ADSS1: variants seen among roughly 807,000 people sequenced by gnomAD.
The protein encoded by ADSS1 is adenylosuccinate synthase 1.
Under a neutral mutation model 59.1 loss-of-function variants are expected in ADSS1, and 57 were observed. That is an observed-to-expected ratio of 0.97 (90% CI 0.78 to 1.20). ADSS1 has a LOEUF of 1.20. ADSS1 is among the 50% of genes most tolerant of loss of function. The pLI is 0.00. For missense variants in ADSS1, 603 were observed against 610.3 expected (o/e 0.99, Z 0.13); for synonymous variants, 247 against 249.4 (o/e 0.99, Z 0.09).
At position 104,724,302 on chromosome 14, in the gene ADSS1, C is replaced by T. The variant is rs1476111410; in HGVS notation, c.32C>T (p.Pro11Leu). The T allele has an allele frequency of 1.1e-5, 14 of 1,233,578 alleles. No homozygotes were observed. The highest frequency in any genetic ancestry group is 4.2e-5 in the Admixed American group (1 of 23,576). 76.4% of individuals were successfully genotyped at this position (1,233,578 alleles called of 1,614,324 possible). MSGTRASNDR[P>L]PGAGGVKRGR... is the part of the protein sequence containing the mutation. ...GGGACCCGAGCCTCCAACGACCGGCCCCCCGGCGCAGGCGGCGTCAAGCGG... is the reference window on the plus strand; with the variant it reads ...GGGACCCGAGCCTCCAACGACCGGCTCCCCGGCGCAGGCGGCGTCAAGCGG... Residue 11 changes from proline to leucine, a missense_variant, in exon 1 of 13, where the codon CCC becomes CTC. Pro to Leu is a moderately conservative substitution (Grantham distance 98, BLOSUM62 -3). Transcript: ENST00000330877.
chr14:104,725,256 C>T (rs912576447), intron 1 of ADSS1, among the ~76,000 whole-genome samples: 21 of 152,310 alleles, frequency 1.4e-4, no homozygotes, highest in South Asian at 2.1e-4. Flanking sequence ...TCTCTCGGGC[C>T]GCCACCCTGG....
intron 1 of ADSS1, among the ~76,000 whole-genome samples, chr14:104,731,380 C>T (rs1338336545): frequency 2.0e-5 from 3 of 152,224 alleles, no homozygotes; most frequent in Admixed American, 6.5e-5. Flanking sequence ...ACATGGGTGA[C>T]TGTCCATGGC....
intron 5 of ADSS1, 134 bp downstream of exon 5, chr14:104,739,950 C>T (rs1489116346): frequency 8.5e-6 from 8 of 944,298 alleles, no homozygotes; most frequent in Admixed American, 4.4e-5. Context: ...AGAATGGCAC[C>T]GTCAAAATTC....
chr14:104,730,174 G>A, intron 1 of ADSS1: 18 of 1,535,128 alleles, frequency 1.2e-5, no homozygotes, highest in Non-Finnish European at 1.6e-5. Flanking sequence ...TGCCCAGGAG[G>A]ACTGCAGGAG....
intron 1 of ADSS1, among the ~76,000 whole-genome samples, chr14:104,730,423 G>A (rs139101076): frequency 0.03 from 4,526 of 152,206 alleles, 238 homozygotes; most frequent in African/African-American, 0.1. Flanking sequence ...TCAGGAGGCA[G>A]AGGTTGCAGT....
intron 12 of ADSS1, 182 bp from the exon 13 acceptor site, chr14:104,746,769 G>A (rs927150666): frequency 2.7e-5 from 17 of 633,042 alleles, no homozygotes; most frequent in Admixed American, 8.7e-5. Context: ...TTTCCGCTGC[G>A]GGAGGATCAG....
In ADSS1 at chr14:104,740,045, C is replaced by T. The variant is rs867698726; in HGVS notation, c.476+229C>T. ...GTCCTTGCCGGCTGCCACTGCCACGCGGCTCCCCCCAGGAGTGCATAAGCC... is the reference window on the plus strand; with the variant it reads ...GTCCTTGCCGGCTGCCACTGCCACGTGGCTCCCCCCAGGAGTGCATAAGCC... On this transcript the variant is annotated intron_variant, in intron 5 of 12. Transcript: ENST00000330877. The surrounding 1 kb of genome is among the most constrained non-coding windows in gnomAD (Gnocchi z 4.8). Among the ~76,000 whole-genome samples the T allele has an allele frequency of 3.9e-5, 6 of 152,164 alleles. No individual in the cohort carries two copies. Among genetic ancestry groups the T allele is most frequent in the African/African-American group, 1.2e-4 (5 of 41,422 alleles).
At chr14:104,730,563 A>G (rs1251042234) in intron 1 of ADSS1, among the ~76,000 whole-genome samples, 1 of 152,206 alleles carries the variant, frequency 6.6e-6, no homozygotes, top group Non-Finnish European at 1.5e-5. Flanking sequence ...CTATAGATAG[A>G]TAGATGATAT....
intron 11 of ADSS1, chr14:104,746,017 G>A (rs1891541518): frequency 1.2e-5 from 6 of 519,198 alleles, no homozygotes; most frequent in East Asian, 9.4e-5. Flanking sequence ...TGTCCCTCTG[G>A]TCTGGAAGGC....
intron 1 of ADSS1, among the ~76,000 whole-genome samples, chr14:104,733,819 G>GC (rs1891018463): frequency 6.6e-6 from 1 of 152,128 alleles, no homozygotes; most frequent in South Asian, 2.1e-4. Context: ...TCCGTGTGTG[G>GC]CCCCCCGCAA....
rs777544568 is a variant in ADSS1 at position 104,743,078 on chromosome 14, C to T, written c.960C>T (p.Gly320=). The change falls in exon 10 of 13, where the codon GGC becomes GGT. Residue 320 remains glycine, a synonymous_variant. Transcript: ENST00000330877. The part of the protein sequence containing the change: ...FPTEQINEIG[G]LLQTRGHEWG... ...CTGTTCTCATGTAGGAGATTGGAGG[C>T]CTGCTGCAGACCCGCGGCCACGAGT... The T allele has an allele frequency of 1.2e-6, 2 of 1,613,040 alleles. No homozygotes were observed. The highest frequency in any genetic ancestry group is 2.2e-5 in the South Asian group (2 of 91,082).
rs1262816642 is a variant in ADSS1 at position 104,741,018 on chromosome 14, G to C, written c.666+98G>C. ...CGTTGAACACCCTTGGGGCACACCTGATACTAGGCATTGTTATGGGCTGGC... is the reference window on the plus strand; with the variant it reads ...CGTTGAACACCCTTGGGGCACACCTCATACTAGGCATTGTTATGGGCTGGC... On this transcript the variant is annotated intron_variant, in intron 7 of 12. Transcript: ENST00000330877. 8 of 1,602,790 alleles carry C rather than the reference G, an allele frequency of 5.0e-6. No individual in the cohort carries two copies. In the East Asian group the frequency reaches 1.8e-4, roughly 36 times the overall value.
intron 11 of ADSS1, chr14:104,745,858 G>A (rs1595215932): frequency 1.2e-5 from 2 of 165,044 alleles, no homozygotes; most frequent in East Asian, 3.4e-4. Flanking sequence ...TCTGGGAGTT[G>A]ATGCTCTTGG....
chr14:104,738,085 C>T (rs1891193498), intron 2 of ADSS1: 2 of 287,186 alleles, frequency 7.0e-6, no homozygotes. Flanking sequence ...CAACCTCCGC[C>T]TCCCAGGTTC....
intron 2 of ADSS1, among the ~76,000 whole-genome samples, chr14:104,736,881 G>GATTTTATATATATATATATATATAT (rs1254196679): frequency 9.4e-6 from 1 of 106,600 alleles, no homozygotes; most frequent in African/African-American, 3.6e-5. Flanking sequence ...GCACCTAGCT[G>GATTTTATATATATATATATATATAT]ATATATATAT....
chr14:104,746,581 G>A (rs958977976), intron 12 of ADSS1, among the ~76,000 whole-genome samples, 196 bp downstream of exon 12: 14 of 152,196 alleles, frequency 9.2e-5, no homozygotes, highest in South Asian at 2.1e-4. Context: ...TGACCTTGCC[G>A]GGAGCCCCTG....
chr14:104,729,943 G>GAGGCCCACGAACCTGGCCC, intron 1 of ADSS1: 1 of 1,571,652 alleles, frequency 6.4e-7, no homozygotes, highest in Non-Finnish European at 8.6e-7. Context: ...GAGGTGGGCA[G>GAGGCCCACGAACCTGGCCC]AGGCCCACGA....
At position 104,747,082 on chromosome 14, in the gene ADSS1, C is replaced by T. The variant is rs534969559; in HGVS notation, c.*79C>T. 77 of 1,298,438 alleles carry T rather than the reference C, an allele frequency of 5.9e-5. No homozygotes were observed. The Middle Eastern group carries it at 8.1e-4, about 14-fold the overall frequency. The allele number at this position is 1,298,438 out of a possible 1,614,324, so 80.4% of individuals were successfully genotyped here. A position where few individuals can be genotyped will look rare whatever the true frequency, so the allele number is the denominator to read the frequency against. On this transcript the variant is annotated 3_prime_UTR_variant, in exon 13 of 13. Transcript: ENST00000330877. ...CAGCAGCAGTCACGTTCCTCGGCCG[C>T]CACAACCAACACCAAAGCAGGAAAA...
chr14:104,728,240 C>T (rs1408559359), intron 1 of ADSS1, among the ~76,000 whole-genome samples: 1 of 152,156 alleles, frequency 6.6e-6, no homozygotes, highest in African/African-American at 2.4e-5. Context: ...GGGGCAGCTG[C>T]CTTGGCCAGG....
Sources: allele counts gnomAD v4.1 joint callset (sites outside exome capture counted in the v4.1 genomes callset), GRCh38; gene constraint gnomAD v4.1.1; non-coding constraint Gnocchi (gnomAD v3.1); transcripts MANE v1.5; gene names NCBI Gene and HGNC (gene_info 2026-07-23, HGNC 2026-07-21).